The following ADCY2 variants were observed in gnomAD, a reference collection of about 807,000 sequenced individuals.
ADCY2 encodes the protein adenylate cyclase 2, also known as adenylate cyclase type 2.
ADCY2 carries 31 observed loss-of-function variants against 125.2 expected under a neutral mutation model. That is an observed-to-expected ratio of 0.25 (90% CI 0.19 to 0.33). The LOEUF (loss-of-function observed/expected upper bound fraction) is 0.33, where lower values mean the gene tolerates loss of function less well. Ranked by LOEUF, ADCY2 falls within the 10% of genes least tolerant of loss-of-function variation. The probability of loss-of-function intolerance (pLI) is 1.00; values close to 1 mark genes in which losing one functional copy is unlikely to be tolerated. For missense variants in ADCY2, 904 were observed against 1,418.2 expected, an observed-to-expected ratio of 0.64 and a Z score of 5.82; for synonymous variants, 512 against 548.4, an observed-to-expected ratio of 0.93 and a Z score of 0.93.
intron 5 of ADCY2, among the ~76,000 whole-genome samples, chr5:7,693,204 A>T (rs1422439164): frequency 6.6e-6 from 1 of 151,964 alleles, no homozygotes; most frequent in Non-Finnish European, 1.5e-5. Flanking sequence ...GTAAACCTTC[A>T]GTTGGGCTCT....
At chr5:7,648,318 CAT>C (rs1434364141) in intron 4 of ADCY2, among the ~76,000 whole-genome samples, 2 of 152,188 alleles carry the variant, frequency 1.3e-5, no homozygotes, top group Admixed American at 6.5e-5. Context: ...ACTAAATACT[CAT>C]GTGTGCTCAT....
chr5:7,628,336 C>T (rs1429254394), intron 4 of ADCY2, among the ~76,000 whole-genome samples: 8 of 152,092 alleles, frequency 5.3e-5, no homozygotes. Flanking sequence ...GATTACATAA[C>T]CTAATATTTT....
At chr5:7,502,965 C>T (rs1295669077) in intron 2 of ADCY2, among the ~76,000 whole-genome samples, 1 of 152,138 alleles carries the variant, frequency 6.6e-6, no homozygotes, top group Non-Finnish European at 1.5e-5. Flanking sequence ...TTCTGAGTTC[C>T]TGTGGCACTC....
chr5:7,711,905 C>T (rs1420753002), intron 10 of ADCY2, among the ~76,000 whole-genome samples: 2 of 152,182 alleles, frequency 1.3e-5, no homozygotes, highest in African/African-American at 4.8e-5. Context: ...AACTGTGTGT[C>T]TCACTCACTT....
chr5:7,397,512 G>A (rs2111429027), intron 1 of ADCY2, among the ~76,000 whole-genome samples: 1 of 129,154 alleles, frequency 7.7e-6, no homozygotes, highest in Non-Finnish European at 1.6e-5. Context: ...ACTGGGTGAT[G>A]TATTTTGAGC....
chr5:7,825,519 A>C (rs374216432), intron 24 of ADCY2, among the ~76,000 whole-genome samples: 50 of 152,358 alleles, frequency 3.3e-4, no homozygotes, highest in African/African-American at 1.0e-3. Context: ...CCCTTGTTGC[A>C]GCCATGCCAG....
At chr5:7,738,980 A>G (rs1742331912) in intron 14 of ADCY2, among the ~76,000 whole-genome samples, 1 of 151,942 alleles carries the variant, frequency 6.6e-6, no homozygotes, top group African/African-American at 2.4e-5. Context: ...TTAGATATTT[A>G]GTATCTCTTT....
chr5:7,727,692 A>C (rs1741973347), intron 14 of ADCY2, among the ~76,000 whole-genome samples: 1 of 152,040 alleles, frequency 6.6e-6, no homozygotes, highest in African/African-American at 2.4e-5. Flanking sequence ...ATTTTGTCCA[A>C]GTTCTGTGTG....
intron 18 of ADCY2, among the ~76,000 whole-genome samples, chr5:7,783,333 G>A (rs1197440070): frequency 1.3e-5 from 2 of 152,108 alleles, no homozygotes; most frequent in South Asian, 2.1e-4. Context: ...TAATGTAGTG[G>A]CTAAAACAGC....
At chr5:7,761,720 G>A (rs1229514926) in intron 16 of ADCY2, among the ~76,000 whole-genome samples, 1 of 152,144 alleles carries the variant, frequency 6.6e-6, no homozygotes, top group Non-Finnish European at 1.5e-5. Flanking sequence ...CGATATAAAT[G>A]AGAAACAAAT....
At chr5:7,773,137 C>A in intron 18 of ADCY2, 36 bp downstream of exon 18, 3 of 1,598,392 alleles carry the variant, frequency 1.9e-6, no homozygotes, top group South Asian at 2.2e-5. Flanking sequence ...TACTATAGTT[C>A]TTTCCCAGCC....
At chr5:7,626,718 C>T (rs1738140101) in intron 4 of ADCY2, among the ~76,000 whole-genome samples, 1 of 152,078 alleles carries the variant, frequency 6.6e-6, no homozygotes, top group Non-Finnish European at 1.5e-5. Context: ...CTCATGGGAA[C>T]AATAGAGTGA....
At chr5:7,817,361 T>G (rs937543978) in intron 23 of ADCY2, among the ~76,000 whole-genome samples, 1 of 152,228 alleles carries the variant, frequency 6.6e-6, no homozygotes, top group Admixed American at 6.5e-5. Flanking sequence ...TGTAAAAATA[T>G]TTTCTTTAAA....
chr5:7,493,241 C>T (rs978079797), intron 2 of ADCY2, among the ~76,000 whole-genome samples: 6 of 152,142 alleles, frequency 3.9e-5, no homozygotes, highest in African/African-American at 1.4e-4. Flanking sequence ...AAGCCTGGGT[C>T]CATCTCTCCA....
chr5:7,680,964 C>T (rs958699683), intron 4 of ADCY2, among the ~76,000 whole-genome samples: 1 of 152,158 alleles, frequency 6.6e-6, no homozygotes, highest in Non-Finnish European at 1.5e-5. Context: ...CATGTGCCAG[C>T]AACATAGGTA....
At chr5:7,488,243 C>G (rs1579494535) in intron 2 of ADCY2, among the ~76,000 whole-genome samples, 2 of 152,108 alleles carry the variant, frequency 1.3e-5, no homozygotes, top group Non-Finnish European at 2.9e-5. Flanking sequence ...TGCACAAGCT[C>G]TCTTGCCGGC....
chr5:7,542,325 GTTAT>G (rs1735022239), intron 3 of ADCY2, among the ~76,000 whole-genome samples: 1 of 151,450 alleles, frequency 6.6e-6, no homozygotes, highest in African/African-American at 2.4e-5. Context: ...CCATAACTGG[GTTAT>G]ACTTTACAAG....
chr5:7,456,116 C>A (rs951277679), intron 2 of ADCY2, among the ~76,000 whole-genome samples: 1 of 151,654 alleles, frequency 6.6e-6, no homozygotes, highest in Non-Finnish European at 1.5e-5. Context: ...TAAAATTATT[C>A]ATTAGCTATA....
At chr5:7,818,706 C>T (rs957538058) in intron 23 of ADCY2, among the ~76,000 whole-genome samples, 16 of 152,034 alleles carry the variant, frequency 1.1e-4, no homozygotes, top group African/African-American at 3.9e-4. Flanking sequence ...CATAGTAAAC[C>T]CCTATCGGGG....
Sources: gnomAD v4.1 joint callset for allele counts (sites outside exome capture counted in the v4.1 genomes callset) on GRCh38, gnomAD v4.1.1 for gene constraint, MANE v1.5 for transcripts, NCBI Gene and HGNC (gene_info 2026-07-23, HGNC 2026-07-21) for gene names.